Variants in IGF1R observed in about 807,000 individuals in gnomAD.
IGF1R encodes insulin-like growth factor 1 receptor.
IGF1R carries 44 observed loss-of-function variants against 144.6 expected under a neutral mutation model. That is an observed-to-expected ratio of 0.30 (90% CI 0.24 to 0.39). The LOEUF (loss-of-function observed/expected upper bound fraction) is 0.39. Ranked by LOEUF, IGF1R falls within the 10% of genes least tolerant of loss-of-function variation. The probability of loss-of-function intolerance (pLI) is 1.00; values close to 1 mark genes in which losing one functional copy is unlikely to be tolerated. For synonymous variants in IGF1R, 795 were observed against 722.8 expected (o/e 1.10, Z -1.60); for missense variants, 1,355 against 1,833.7 (o/e 0.74, Z 4.77).
chr15:98,886,292 C>A (rs937963105), intron 2 of IGF1R, among the ~76,000 whole-genome samples: 2 of 152,040 alleles, frequency 1.3e-5, no homozygotes, highest in Admixed American at 6.5e-5. Flanking sequence ...TTCCTCTCCC[C>A]CCAAGGAAAA....
At chr15:98,755,452 T>C (rs1315212994) in intron 2 of IGF1R, among the ~76,000 whole-genome samples, 2 of 152,056 alleles carry the variant, frequency 1.3e-5, no homozygotes, top group African/African-American at 4.8e-5. Context: ...TAGAAAAGTG[T>C]ATTGCTGGCT....
chr15:98,677,980 A>G (rs372277772), intron 1 of IGF1R, among the ~76,000 whole-genome samples: 52 of 152,284 alleles, frequency 3.4e-4, no homozygotes, highest in African/African-American at 1.2e-3. Context: ...TTTTGTCTAT[A>G]TTAATGATAA....
intron 2 of IGF1R, among the ~76,000 whole-genome samples, chr15:98,866,573 G>C (rs1247767847): frequency 6.6e-6 from 1 of 152,200 alleles, no homozygotes; most frequent in Non-Finnish European, 1.5e-5. Flanking sequence ...TGGTTCAAAC[G>C]TGTAGTAGAT....
chr15:98,723,737 C>T (rs1379500846), intron 2 of IGF1R, among the ~76,000 whole-genome samples: 1 of 152,204 alleles, frequency 6.6e-6, no homozygotes, highest in Non-Finnish European at 1.5e-5. Flanking sequence ...CTGGAAGATA[C>T]TGGATACTAG....
At chr15:98,922,002 C>T in intron 10 of IGF1R, 146 bp from the exon 11 acceptor site, 1 of 776,086 alleles carries the variant, frequency 1.3e-6, no homozygotes, top group East Asian at 2.6e-5. Context: ...AAGGACATCC[C>T]TGTGTTATTC....
chr15:98,901,456 G>C (rs143767689), intron 5 of IGF1R, among the ~76,000 whole-genome samples: 1 of 152,196 alleles, frequency 6.6e-6, no homozygotes, highest in African/African-American at 2.4e-5. Flanking sequence ...CCATCCTCAC[G>C]ATGATGAGCT....
At chr15:98,879,940 G>T (rs190340575) in intron 2 of IGF1R, among the ~76,000 whole-genome samples, 1 of 152,162 alleles carries the variant, frequency 6.6e-6, no homozygotes, top group Non-Finnish European at 1.5e-5. Context: ...AATCTATAGC[G>T]ACGAAAAGTG....
chr15:98,711,507 T>A (rs1233930298), intron 2 of IGF1R, among the ~76,000 whole-genome samples: 1 of 152,200 alleles, frequency 6.6e-6, no homozygotes, highest in African/African-American at 2.4e-5. Context: ...ACTTCTGTAT[T>A]TCTCGGTTCT....
At position 98,704,788 on chromosome 15, in the gene IGF1R, G is replaced by A. The variant is rs1350000100; in HGVS notation, c.95-2774G>A. Among the ~76,000 whole-genome samples the A allele has an allele frequency of 1.3e-5, 2 of 152,128 alleles. No homozygotes were observed. Among genetic ancestry groups the A allele is most frequent in the Non-Finnish European group, 2.9e-5 (2 of 68,024 alleles). ...AAGTGTGTAGGGTTGTTGAGGAACA[G>A]CGTGCTGCACAGGGAGGAAAGACGT... On this transcript the variant is annotated intron_variant, in intron 1 of 20. Transcript: ENST00000650285. The surrounding 1 kb of genome is among the most constrained non-coding windows in gnomAD (Gnocchi z 4.9).
At chr15:98,795,132 G>A (rs1334611993) in intron 2 of IGF1R, among the ~76,000 whole-genome samples, 1 of 15,080 alleles carries the variant, frequency 6.6e-5, no homozygotes, top group East Asian at 4.5e-4. Context: ...CAAACTAAGT[G>A]GGAAAATATT....
Position 98,913,730 on chromosome 15 carries a change from C to CT in IGF1R, c.1828+449dup, listed in dbSNP as rs556324803. Among the ~76,000 whole-genome samples, 8 of 152,298 alleles carry CT rather than the reference C, an allele frequency of 5.3e-5. No homozygotes were observed. The South Asian group carries it at 1.7e-3, about 32-fold the overall frequency. On this transcript the variant is annotated intron_variant, in intron 8 of 20. Transcript: ENST00000650285. ...AAAGAGGTCAACAAAAGTTGAAAGC[C>CT]TGCAGATGTAGTATGTTGTGGATAT... is the stretch of plus-strand genomic sequence containing the variant.
intron 2 of IGF1R, among the ~76,000 whole-genome samples, chr15:98,739,917 G>T (rs542347962): frequency 3.3e-5 from 5 of 152,288 alleles, no homozygotes; most frequent in African/African-American, 1.2e-4. Flanking sequence ...TTAAACTTAG[G>T]ATGGGAAATG....
In IGF1R at chr15:98,699,991, C is replaced by T. The variant is rs1596203252; in HGVS notation, c.95-7571C>T. ...TGGGAATGTATATATACAACGTAAA[C>T]ATGTTCTGATTGACACGTGAAGATA... On this transcript the variant is annotated intron_variant, in intron 1 of 20. Transcript: ENST00000650285. 1.3e-5 allele frequency among the ~76,000 whole-genome samples: 2 copies of T among 152,298 alleles called. 1 individual carries two copies. The highest frequency in any genetic ancestry group is 6.8e-3 in the Middle Eastern group (2 of 294).
intron 6 of IGF1R, among the ~76,000 whole-genome samples, chr15:98,909,251 CTTTTTTTTTCT>C (rs1192218849): frequency 3.4e-3 from 131 of 38,874 alleles, no homozygotes; most frequent in Middle Eastern, 0.015. Flanking sequence ...TCTTTTTTTT[CTTTTTTTTTCT>C]TTTTTTTTTT....
In IGF1R at chr15:98,961,276, T is replaced by C. The variant is rs1280914603; in HGVS notation, c.*3834T>C. On this transcript the variant is annotated 3_prime_UTR_variant, in exon 21 of 21. Coordinates refer to ENST00000650285, the MANE Select transcript of IGF1R (RefSeq NM_000875.5). ...GATTTCTACAGATCATTCAGCTGGT[T>C]ATAAGGGTTTTGTTTAAACTGTCCG... The C allele has an allele frequency of 4.3e-6, 1 of 233,650 alleles. No homozygotes were observed. The highest frequency in any genetic ancestry group is 8.5e-6 in the Non-Finnish European group (1 of 117,988). 14.5% of individuals were successfully genotyped at this position (233,650 alleles called of 1,614,324 possible). A position where few individuals can be genotyped will look rare whatever the true frequency, so the allele number is the denominator to read the frequency against.
chr15:98,767,665 G>A (rs7359187), intron 2 of IGF1R, among the ~76,000 whole-genome samples: 142,615 of 152,316 alleles, frequency 0.94, 67,453 homozygotes, highest in East Asian at 1. Context: ...TAGAATTAAT[G>A]TATTAAAACA....
At chr15:98,889,926 A>C (rs747029105) in intron 2 of IGF1R, among the ~76,000 whole-genome samples, 4 of 152,210 alleles carry the variant, frequency 2.6e-5, no homozygotes, top group Non-Finnish European at 1.5e-5. Context: ...TATAATGCAA[A>C]CCAGATTTCA....
intron 2 of IGF1R, among the ~76,000 whole-genome samples, chr15:98,840,516 C>T (rs1227640877): frequency 6.6e-6 from 1 of 152,144 alleles, no homozygotes; most frequent in Non-Finnish European, 1.5e-5. Flanking sequence ...GTAGTGCAGT[C>T]GTGGCTCACT....
At chr15:98,683,858 C>CT (rs1237476043) in intron 1 of IGF1R, among the ~76,000 whole-genome samples, 1 of 152,180 alleles carries the variant, frequency 6.6e-6, no homozygotes, top group Non-Finnish European at 1.5e-5. Flanking sequence ...TTTCTGATCT[C>CT]TAAGACACTG....
Sources: gnomAD v4.1 joint callset for allele counts (sites outside exome capture counted in the v4.1 genomes callset) on GRCh38, gnomAD v4.1.1 for gene constraint, Gnocchi (gnomAD v3.1) non-coding constraint, MANE v1.5 for transcripts, NCBI Gene and HGNC (gene_info 2026-07-23, HGNC 2026-07-21) for gene names.